Variants in KCNIP1 observed in about 807,000 individuals in gnomAD.
KCNIP1 encodes potassium voltage-gated channel interacting protein 1.
Under a neutral mutation model 33.0 loss-of-function variants are expected in KCNIP1, and 18 were observed. The observed-to-expected ratio is 0.55, with a 90% confidence interval of 0.38 to 0.81. KCNIP1 has a LOEUF of 0.81. Among genes scored for constraint, KCNIP1 ranks in the 30% least tolerant of loss-of-function variants. The probability of loss-of-function intolerance (pLI) is 0.00; values close to 1 mark genes in which losing one functional copy is unlikely to be tolerated. For missense variants in KCNIP1, 238 were observed against 271.6 expected (o/e 0.88, Z 0.87); for synonymous variants, 93 against 98.3 (o/e 0.95, Z 0.32).
chr5:170,681,126 T>C, intron 1 of KCNIP1: 1 of 399,242 alleles, frequency 2.5e-6, no homozygotes, highest in Non-Finnish European at 4.4e-6. Context: ...GGTGGTCGTG[T>C]GCTCCTCCCT....
At chr5:170,520,733 G>A (rs1755335151) in intron 1 of KCNIP1, among the ~76,000 whole-genome samples, 1 of 152,210 alleles carries the variant, frequency 6.6e-6, no homozygotes, top group African/African-American at 2.4e-5. Context: ...CCATTGCTCT[G>A]CTATGTCAAT....
chr5:170,487,010 T>C (rs1252848210), intron 1 of KCNIP1, among the ~76,000 whole-genome samples: 2 of 152,212 alleles, frequency 1.3e-5, no homozygotes, highest in Non-Finnish European at 2.9e-5. Context: ...TTATACACAT[T>C]ATTATATATT....
chr5:170,604,822 A>C (rs1758842164), intron 1 of KCNIP1, among the ~76,000 whole-genome samples: 1 of 152,194 alleles, frequency 6.6e-6, no homozygotes, highest in Non-Finnish European at 1.5e-5. Flanking sequence ...CAGCCCCCCC[A>C]GGAGAGGACC....
chr5:170,632,978 AG>A (rs5873233), intron 1 of KCNIP1, among the ~76,000 whole-genome samples: 57,768 of 152,120 alleles, frequency 0.38, 11,593 homozygotes, highest in South Asian at 0.47. Flanking sequence ...AACCTGGAAG[AG>A]GCCATTTCCC....
chr5:170,692,228 T>G (rs1372035671), intron 1 of KCNIP1, among the ~76,000 whole-genome samples: 2 of 152,120 alleles, frequency 1.3e-5, no homozygotes, highest in African/African-American at 4.8e-5. Flanking sequence ...CATTTTATCC[T>G]AAGGTACCAC....
Position 170,720,384 on chromosome 5 carries a change from C to T in KCNIP1, c.250C>T (p.His84Tyr), listed in dbSNP as rs1763777979. 1 of 1,613,242 alleles carries T rather than the reference C, an allele frequency of 6.2e-7. No homozygotes were observed. The highest frequency in any genetic ancestry group is 1.3e-5 in the African/African-American group (1 of 75,048). The change falls in exon 3 of 8, where the codon CAT becomes TAT. Residue 84 changes from histidine (H) to tyrosine (Y), a missense_variant. Transcript: ENST00000328939. ...FKQIYAQFFP[H>Y]GDASTYAHYL... The stretch of plus-strand genomic sequence containing the variant: ...GCAGATCTATGCTCAGTTTTTCCCT[C>T]ATGGAGGTGAGTCTGACCTTGAAAT...
At chr5:170,640,401 CA>C (rs1473353870) in intron 1 of KCNIP1, among the ~76,000 whole-genome samples, 1 of 152,210 alleles carries the variant, frequency 6.6e-6, no homozygotes, top group East Asian at 1.9e-4. Flanking sequence ...GATTAAATCT[CA>C]CAAGTTTGCA....
rs189745438 is a variant in KCNIP1 at position 170,462,088 on chromosome 5, G to T, written c.88+108124G>T. On this transcript the variant is annotated intron_variant, in intron 1 of 7. Transcript: ENST00000377360. ...TCATAACCAAGAACCAAAAGCAAAT[G>T]CAATAAAAACAAAGATAAATAGCTG... 3.9e-5 allele frequency among the ~76,000 whole-genome samples: 6 copies of T among 152,112 alleles called. No homozygotes were observed. The East Asian group carries it at 7.7e-4, about 20-fold the overall frequency.
At chr5:170,718,974 C>A in intron 2 of KCNIP1, 92 bp downstream of exon 2, 2 of 1,503,882 alleles carry the variant, frequency 1.3e-6, no homozygotes, top group African/African-American at 1.4e-5. Flanking sequence ...AGGCGTTTCC[C>A]ATATGTGAGG....
chr5:170,565,996 GA>G (rs1734157121), intron 1 of KCNIP1, among the ~76,000 whole-genome samples: 1 of 152,236 alleles, frequency 6.6e-6, no homozygotes, highest in African/African-American at 2.4e-5. Flanking sequence ...AATTATGGGG[GA>G]AACTTGTTGT....
intron 1 of KCNIP1, among the ~76,000 whole-genome samples, chr5:170,657,432 C>A (rs895501958): frequency 1.3e-5 from 2 of 152,164 alleles, no homozygotes; most frequent in Admixed American, 1.3e-4. Flanking sequence ...GGCAGGCACC[C>A]ACCACCGCCT....
intron 1 of KCNIP1, among the ~76,000 whole-genome samples, chr5:170,637,686 G>A (rs894238968): frequency 2.0e-5 from 3 of 152,086 alleles, no homozygotes; most frequent in Non-Finnish European, 4.4e-5. Context: ...TTTCCTGGCC[G>A]CCTCTTCCAG....
intron 1 of KCNIP1, among the ~76,000 whole-genome samples, chr5:170,599,704 T>G (rs939492541): frequency 6.6e-6 from 1 of 151,040 alleles, no homozygotes; most frequent in Admixed American, 6.6e-5. Context: ...GTCAGAACAC[T>G]GGCAGAAGAG....
intron 1 of KCNIP1, among the ~76,000 whole-genome samples, chr5:170,709,868 C>CT (rs892993576): frequency 7.9e-5 from 12 of 151,406 alleles, no homozygotes; most frequent in Admixed American, 2.6e-4. Flanking sequence ...TGATTCCATT[C>CT]TTTTTTTTTC....
At chr5:170,502,105 G>A (rs539467641), upstream of KCNIP1, among the ~76,000 whole-genome samples, 15 of 152,330 alleles carry the variant, frequency 9.8e-5, no homozygotes, top group Admixed American at 5.2e-4. Context: ...TCCTGGCTGG[G>A]CAACTTCAGG....
intron 1 of KCNIP1, among the ~76,000 whole-genome samples, chr5:170,592,419 T>C (rs1758295140): frequency 6.6e-6 from 1 of 152,232 alleles, no homozygotes; most frequent in Non-Finnish European, 1.5e-5. Flanking sequence ...TTATCCAAGG[T>C]CACACAGCTA....
chr5:170,589,845 T>A (rs1758172982), intron 1 of KCNIP1, among the ~76,000 whole-genome samples: 1 of 124,592 alleles, frequency 8.0e-6, no homozygotes, highest in Non-Finnish European at 1.8e-5. Flanking sequence ...AGGCTGGCCT[T>A]AGGAGCCTGT....
chr5:170,566,650 T>G (rs1013172437), intron 1 of KCNIP1, among the ~76,000 whole-genome samples: 4 of 152,172 alleles, frequency 2.6e-5, no homozygotes, highest in Non-Finnish European at 4.4e-5. Flanking sequence ...AGCATTGGTT[T>G]CTGTCTTAGA....
At chr5:170,661,526 T>C (rs945998639) in intron 1 of KCNIP1, among the ~76,000 whole-genome samples, 36 of 152,210 alleles carry the variant, frequency 2.4e-4, no homozygotes, top group Admixed American at 6.5e-4. Flanking sequence ...CAGAGAAGTC[T>C]TAAGACCACA....
Sources: gnomAD v4.1 joint callset for allele counts (sites outside exome capture counted in the v4.1 genomes callset) on GRCh38, gnomAD v4.1.1 for gene constraint, MANE v1.5 for transcripts, NCBI Gene and HGNC (gene_info 2026-07-23, HGNC 2026-07-21) for gene names.